The following TRHDE variants were observed in gnomAD, a reference collection of about 807,000 sequenced individuals.
TRHDE encodes the protein thyrotropin-releasing hormone-degrading ectoenzyme.
A neutral mutation model predicts 125.7 loss-of-function variants in TRHDE; 72 were observed. The ratio of observed to expected loss-of-function variants is 0.57; its 90% CI spans 0.47 to 0.70. TRHDE has a LOEUF of 0.70. Ranked by LOEUF, TRHDE falls within the 30% of genes least tolerant of loss-of-function variation. TRHDE has a pLI of 0.00. For missense variants in TRHDE, 1,110 were observed against 1,327.1 expected (o/e 0.84, Z 2.54); for synonymous variants, 509 against 509.1 (o/e 1.00, Z 0.00).
intron 3 of TRHDE, among the ~76,000 whole-genome samples, chr12:72,406,242 A>AT (rs1202435546): frequency 1.3e-5 from 2 of 152,186 alleles, no homozygotes; most frequent in Admixed American, 1.3e-4. Flanking sequence ...GATCAGTTGC[A>AT]TTGAAGTAGA....
chr12:72,430,445 G>GTATATATATGTGTATATATATACACACA (rs1565738396), intron 3 of TRHDE, among the ~76,000 whole-genome samples: 1 of 144,134 alleles, frequency 6.9e-6, no homozygotes, highest in Non-Finnish European at 1.5e-5. Context: ...ATACACACAC[G>GTATATATATGTGTATATATATACACACA]TATATATATG....
chr12:72,516,551 C>T (rs1193593348), intron 6 of TRHDE, among the ~76,000 whole-genome samples: 2 of 152,122 alleles, frequency 1.3e-5, no homozygotes, highest in African/African-American at 4.8e-5. Flanking sequence ...TGGGCTGAGA[C>T]AATGGGGTTT....
intron 5 of TRHDE, among the ~76,000 whole-genome samples, chr12:72,495,310 C>A (rs2135931070): frequency 6.6e-6 from 1 of 152,084 alleles, no homozygotes; most frequent in Non-Finnish European, 1.5e-5. Flanking sequence ...CTGTGTACTG[C>A]AGATAATTTT....
chr12:72,134,985 A>G (rs745851793), intron 2 of TRHDE, among the ~76,000 whole-genome samples: 11 of 152,200 alleles, frequency 7.2e-5, no homozygotes, highest in Non-Finnish European at 1.6e-4. Flanking sequence ...TGTTTTGGAT[A>G]TATGTGTGAG....
chr12:72,216,874 C>A (rs1232254515), intron 2 of TRHDE, among the ~76,000 whole-genome samples: 1 of 151,654 alleles, frequency 6.6e-6, no homozygotes, highest in African/African-American at 2.4e-5. Context: ...CTTCGAATTT[C>A]GTTTTAATGG....
intron 8 of TRHDE, 95 bp from the exon 9 acceptor site, chr12:72,562,758 G>T (rs1870239524): frequency 1.3e-6 from 1 of 778,520 alleles, no homozygotes; most frequent in Non-Finnish European, 2.0e-6. Flanking sequence ...TTCATATTTA[G>T]GTAAATAGTA....
At chr12:72,470,274 C>T (rs1473656818) in intron 4 of TRHDE, among the ~76,000 whole-genome samples, 1 of 152,304 alleles carries the variant, frequency 6.6e-6, no homozygotes, top group Admixed American at 6.5e-5. Context: ...TATTGCATCG[C>T]TGCAAGATGC....
intron 6 of TRHDE, among the ~76,000 whole-genome samples, chr12:72,535,933 A>G (rs1004562160): frequency 1.3e-5 from 2 of 152,162 alleles, no homozygotes; most frequent in South Asian, 2.1e-4. Flanking sequence ...TTCTTACTTC[A>G]TAATTCTTTT....
At chr12:72,575,221 A>G (rs745849712) in intron 10 of TRHDE, 34 bp from the exon 11 acceptor site, 1 of 1,604,888 alleles carries the variant, frequency 6.2e-7, no homozygotes, top group South Asian at 1.1e-5. Flanking sequence ...TAACTCTTAA[A>G]GTTTGAAATC....
intron 3 of TRHDE, among the ~76,000 whole-genome samples, chr12:72,407,565 C>T (rs1230041043): frequency 3.9e-5 from 6 of 152,058 alleles, no homozygotes; most frequent in African/African-American, 1.4e-4. Flanking sequence ...ACTAAAAGTG[C>T]TGCATACAAT....
chr12:72,364,173 TATC>T (rs1871247175), intron 2 of TRHDE, among the ~76,000 whole-genome samples: 1 of 151,992 alleles, frequency 6.6e-6, no homozygotes, highest in Admixed American at 6.6e-5. Flanking sequence ...GAATAATCAA[TATC>T]ATGAAAATGG....
intron 5 of TRHDE, among the ~76,000 whole-genome samples, chr12:72,474,045 CAT>C (rs779778405): frequency 1.5e-4 from 23 of 149,450 alleles, no homozygotes; most frequent in Non-Finnish European, 2.1e-4. Flanking sequence ...CACACACATA[CAT>C]ATATATACAT....
intron 7 of TRHDE, among the ~76,000 whole-genome samples, chr12:72,547,971 T>C (rs942086098): frequency 2.0e-5 from 3 of 151,856 alleles, no homozygotes; most frequent in African/African-American, 7.2e-5. Flanking sequence ...CCTAGGTCAT[T>C]TGTAAGGACA....
intron 12 of TRHDE, among the ~76,000 whole-genome samples, chr12:72,601,038 G>A (rs759749306): frequency 5.3e-5 from 8 of 152,144 alleles, no homozygotes; most frequent in East Asian, 1.9e-4. Flanking sequence ...ATAATGATTC[G>A]TTTGATGGAT....
chr12:72,666,010 C>G lies in TRHDE; in HGVS notation c.*2815C>G, dbSNP rs1875101886. ...ATAAACTTGCATTATTTTATATTAT[C>G]TCCAGGACAATTATATCATAGGACT... On this transcript the variant is annotated 3_prime_UTR_variant, in exon 19 of 19. Coordinates refer to ENST00000261180, the MANE Select transcript of TRHDE (RefSeq NM_013381.3). 6.6e-6 allele frequency: 1 copy of G among 151,878 alleles called. No homozygotes were observed. Among genetic ancestry groups the G allele is most frequent in the African/African-American group, 2.4e-5 (1 of 41,374 alleles). The allele number at this position is 151,878 out of a possible 1,614,324, so 9.4% of individuals were successfully genotyped here. A position where few individuals can be genotyped will look rare whatever the true frequency, so the allele number is the denominator to read the frequency against.
At chr12:72,405,933 C>G (rs1467629264) in intron 3 of TRHDE, among the ~76,000 whole-genome samples, 1 of 152,082 alleles carries the variant, frequency 6.6e-6, no homozygotes, top group African/African-American at 2.4e-5. Context: ...CCAACTGAAA[C>G]AGCATTATCT....
rs756985913 is a variant in TRHDE at position 72,273,174 on chromosome 12, G to C, written c.531G>C (p.Pro177=). 4 of 1,592,274 alleles carry C rather than the reference G, an allele frequency of 2.5e-6. No individual in the cohort carries two copies. The highest frequency in any genetic ancestry group is 8.6e-7 in the Non-Finnish European group (1 of 1,165,904). The stretch of plus-strand genomic sequence containing the variant: ...CGCCGTCGGAGGAGGAGCGGGAGCC[G>C]TGGGAGCCGTGGACGCAGCTGCGCC... ...AQPPSEEERE[P]WEPWTQLRLS... Residue 177 remains proline (P), a synonymous_variant, in exon 1 of 19, where the codon CCG becomes CCC. Transcript: ENST00000261180. This position sits in a 1 kb window ranked among gnomAD's most constrained non-coding sequence, Gnocchi z 5.3.
intron 6 of TRHDE, among the ~76,000 whole-genome samples, chr12:72,509,272 A>AC (rs1175243013): frequency 1.2e-4 from 18 of 150,332 alleles, no homozygotes; most frequent in Admixed American, 8.0e-4. Context: ...TAACCACCGC[A>AC]CCCCCCCGCA....
chr12:72,279,312 T>C (rs1441064637), intron 1 of TRHDE, among the ~76,000 whole-genome samples: 3 of 147,072 alleles, frequency 2.0e-5, no homozygotes, highest in Non-Finnish European at 4.5e-5. Context: ...AAGGCATAAA[T>C]GCTTTACGGT....
Sources: allele counts gnomAD v4.1 joint callset (sites outside exome capture counted in the v4.1 genomes callset), GRCh38; gene constraint gnomAD v4.1.1; non-coding constraint Gnocchi (gnomAD v3.1); transcripts MANE v1.5; gene names NCBI Gene and HGNC (gene_info 2026-07-23, HGNC 2026-07-21).